Variants in RAP2A observed in about 807,000 individuals in gnomAD.
RAP2A encodes the protein ras-related protein Rap-2a.
In RAP2A, 5 loss-of-function variants were observed where a neutral mutation model predicts 15.1. The ratio of observed to expected loss-of-function variants is 0.33; its 90% CI spans 0.17 to 0.70. The LOEUF (loss-of-function observed/expected upper bound fraction) is 0.70. RAP2A is among the 30% of genes least tolerant of loss of function. The pLI is 0.68. For synonymous variants in RAP2A, 110 were observed against 99.7 expected (o/e 1.10, Z -0.62); for missense variants, 111 against 240.3 (o/e 0.46, Z 3.56).
intron 1 of RAP2A, among the ~76,000 whole-genome samples, chr13:97,459,303 G>T (rs533938926): frequency 1.1e-4 from 16 of 151,900 alleles, no homozygotes; most frequent in African/African-American, 2.9e-4. Context: ...ATGAAAAGGG[G>T]GAAAATGAAG....
intron 1 of RAP2A, among the ~76,000 whole-genome samples, chr13:97,444,423 T>G (rs2066671503): frequency 1.3e-5 from 2 of 152,134 alleles, no homozygotes; most frequent in Admixed American, 6.5e-5. Flanking sequence ...ATGCATGGGG[T>G]GAAGATAATT....
intron 1 of RAP2A, among the ~76,000 whole-genome samples, chr13:97,453,461 A>C (rs2066710805): frequency 6.6e-6 from 1 of 151,388 alleles, no homozygotes; most frequent in Admixed American, 6.6e-5. Flanking sequence ...AAAGTTATGT[A>C]AGTGAAGTCA....
At chr13:97,441,269 A>G (rs2066656511) in intron 1 of RAP2A, among the ~76,000 whole-genome samples, 1 of 152,188 alleles carries the variant, frequency 6.6e-6, no homozygotes, top group African/African-American at 2.4e-5. Flanking sequence ...AATAAAATCT[A>G]CAATAAGGAA....
chr13:97,446,472 A>AG (rs1594323875), intron 1 of RAP2A, among the ~76,000 whole-genome samples: 2 of 152,364 alleles, frequency 1.3e-5, no homozygotes, highest in East Asian at 3.9e-4. Flanking sequence ...TCTTGATTAA[A>AG]GATGGCTGCA....
At position 97,435,297 on chromosome 13, in the gene RAP2A, T is replaced by G. The variant is rs190163889; in HGVS notation, c.314+513T>G. ...TACAAAAATTAAGTCTCTAATTTAG[T>G]GCAAAACTTTAAAGACAGATTATTA... On this transcript the variant is annotated intron_variant, in intron 1 of 1. Transcript: ENST00000245304. 1.1e-3 allele frequency among the ~76,000 whole-genome samples: 175 copies of G among 152,278 alleles called. 1 individual carries two copies. Among genetic ancestry groups the G allele is most frequent in the Admixed American group, 9.4e-3 (144 of 15,302 alleles).
intron 1 of RAP2A, among the ~76,000 whole-genome samples, chr13:97,438,980 T>G (rs1008997957): frequency 2.6e-5 from 4 of 152,242 alleles, no homozygotes; most frequent in Admixed American, 6.5e-5. Context: ...GAGATGATCT[T>G]CCTTCAGCTC....
At chr13:97,461,631 C>G (rs1461292319) in intron 1 of RAP2A, among the ~76,000 whole-genome samples, 1 of 152,016 alleles carries the variant, frequency 6.6e-6, no homozygotes, top group African/African-American at 2.4e-5. Flanking sequence ...CTAGTAGATC[C>G]TGAACTTAAC....
chr13:97,460,866 TTTG>T (rs1245892467), intron 1 of RAP2A, among the ~76,000 whole-genome samples: 1 of 152,172 alleles, frequency 6.6e-6, no homozygotes, highest in Non-Finnish European at 1.5e-5. Flanking sequence ...TGGTGGCTGC[TTTG>T]TTGTTTTTGA....
intron 1 of RAP2A, chr13:97,436,192 T>G (rs1188177580): frequency 6.6e-6 from 1 of 152,210 alleles, no homozygotes; most frequent in African/African-American, 2.4e-5. Context: ...TTTGTAAATT[T>G]GATAGCTTTG....
intron 1 of RAP2A, among the ~76,000 whole-genome samples, chr13:97,460,189 C>T (rs2066740473): frequency 6.6e-6 from 1 of 152,184 alleles, no homozygotes; most frequent in Non-Finnish European, 1.5e-5. Flanking sequence ...GTTTTGGCCC[C>T]ATGAGATCTC....
intron 1 of RAP2A, among the ~76,000 whole-genome samples, chr13:97,442,843 T>C (rs2066663687): frequency 6.6e-6 from 1 of 152,212 alleles, no homozygotes; most frequent in Non-Finnish European, 1.5e-5. Flanking sequence ...CAATGTGAGT[T>C]AGTAAATACT....
intron 1 of RAP2A, among the ~76,000 whole-genome samples, chr13:97,458,945 G>T (rs995243918): frequency 1.1e-4 from 17 of 152,066 alleles, no homozygotes; most frequent in Non-Finnish European, 2.1e-4. Context: ...AAAAGAACTA[G>T]TTTTATTTAT....
chr13:97,443,760 G>T (rs1335734311), intron 1 of RAP2A, among the ~76,000 whole-genome samples: 4 of 152,104 alleles, frequency 2.6e-5, no homozygotes, highest in Admixed American at 6.5e-5. Context: ...TTCTCGAATG[G>T]AGTATTTTAT....
chr13:97,456,992 A>G (rs2066725643), intron 1 of RAP2A, among the ~76,000 whole-genome samples: 1 of 152,128 alleles, frequency 6.6e-6, no homozygotes, highest in Non-Finnish European at 1.5e-5. Flanking sequence ...CTAACCAAAA[A>G]CAATTCTTTC....
chr13:97,434,762 G>C lies in RAP2A; in HGVS notation c.292G>C (p.Asp98His). The change falls in exon 1 of 2, where the codon GAC (aspartate) becomes CAC (histidine). Residue 98 changes from aspartate to histidine, a missense_variant. By Grantham distance (81) the Asp-to-His change is moderately conservative. Around this residue, in one of 3 missense-constraint regions of RAP2A, gnomAD observed 74 missense variants for 132.3 expected, o/e 0.56. Coordinates refer to ENST00000245304, the MANE Select transcript of RAP2A (RefSeq NM_021033.7). ...CTTCCAGGACATCAAGCCCATGCGG[G>C]ACCAGATCATCCGCGTGAAGCGGTG... ...QSFQDIKPMR[D>H]QIIRVKRYEK... 1 of 1,614,138 alleles carries C rather than the reference G, an allele frequency of 6.2e-7. No individual in the cohort carries two copies. The highest frequency in any genetic ancestry group is 8.5e-7 in the Non-Finnish European group (1 of 1,180,014).
intron 1 of RAP2A, among the ~76,000 whole-genome samples, chr13:97,456,714 T>C (rs899755618): frequency 2.8e-5 from 4 of 144,404 alleles, no homozygotes; most frequent in African/African-American, 5.2e-5. Flanking sequence ...ATCATTACTC[T>C]CCTTACTTTT....
chr13:97,460,528 T>A (rs994689624), intron 1 of RAP2A, among the ~76,000 whole-genome samples: 1 of 152,068 alleles, frequency 6.6e-6, no homozygotes, highest in Non-Finnish European at 1.5e-5. Context: ...CTTTTTTTTT[T>A]AAACCCACCA....
At chr13:97,444,785 A>G (rs961424999) in intron 1 of RAP2A, among the ~76,000 whole-genome samples, 1 of 152,288 alleles carries the variant, frequency 6.6e-6, no homozygotes, top group African/African-American at 2.4e-5. Flanking sequence ...TATTCATTTT[A>G]TGGAAATTCA....
intron 1 of RAP2A, among the ~76,000 whole-genome samples, chr13:97,447,015 T>G (rs1425378913): frequency 3.9e-5 from 6 of 152,230 alleles, no homozygotes; most frequent in Non-Finnish European, 8.8e-5. Flanking sequence ...AAACATGTTA[T>G]TTTAGAAATT....
Sources: allele counts gnomAD v4.1 joint callset (sites outside exome capture counted in the v4.1 genomes callset), GRCh38; gene constraint gnomAD v4.1.1; regional missense constraint gnomAD v4.1.1; transcripts MANE v1.5; gene names NCBI Gene and HGNC (gene_info 2026-07-23, HGNC 2026-07-21).